The following CIBAR1 variants were observed in gnomAD, a reference collection of about 807,000 sequenced individuals.
CIBAR1 encodes the protein CBY1 interacting BAR domain containing 1.
CIBAR1 carries 25 observed loss-of-function variants against 44.0 expected under a neutral mutation model. The ratio of observed to expected loss-of-function variants is 0.57; its 90% CI spans 0.41 to 0.79. The LOEUF (loss-of-function observed/expected upper bound fraction) is 0.79. Among genes scored for constraint, CIBAR1 ranks in the 30% least tolerant of loss-of-function variants. The pLI, the probability that CIBAR1 is intolerant of heterozygous loss-of-function variation, is 0.00. For synonymous variants in CIBAR1, 115 were observed against 119.0 expected (o/e 0.97, Z 0.22); for missense variants, 278 against 344.8 (o/e 0.81, Z 1.53).
chr8:93,720,030 C>T (rs1307054028), intron 7 of CIBAR1: 1 of 149,018 alleles, frequency 6.7e-6, no homozygotes, highest in Non-Finnish European at 1.5e-5. Context: ...GTCACCCAGT[C>T]TGGAGTGCAG....
intron 4 of CIBAR1, chr8:93,707,306 G>A: frequency 6.0e-6 from 2 of 336,012 alleles, no homozygotes; most frequent in Non-Finnish European, 6.0e-6. Flanking sequence ...TCAAGTAAAG[G>A]GATTTGAGAC....
intron 8 of CIBAR1, among the ~76,000 whole-genome samples, chr8:93,727,876 T>C (rs1811598917): frequency 6.6e-6 from 1 of 152,224 alleles, no homozygotes; most frequent in African/African-American, 2.4e-5. Flanking sequence ...ATCCATTTTA[T>C]GATTCTCAAA....
chr8:93,718,757 T>A lies in CIBAR1; in HGVS notation c.626T>A (p.Ile209Lys). Reference protein sequence around the residue: ...LEVYTAAYQNIQNIDEDEDLE... With the variant: ...LEVYTAAYQNKQNIDEDEDLE... ...GTCTACACTGCTGCCTACCAGAATA[T>A]ACAAAACATTGATGAAGATGAAGAT... The change falls in exon 7 of 9, where the codon ATA becomes AAA. Residue 209 changes from isoleucine (I) to lysine (K), a missense_variant. This residue lies in a region of CIBAR1 where 93 missense variants were observed against 108.9 expected (regional missense o/e 0.85). Transcript: ENST00000518322. 6.4e-7 allele frequency: 1 copy of A among 1,565,006 alleles called. No individual in the cohort carries two copies. Among genetic ancestry groups the A allele is most frequent in the Non-Finnish European group, 8.7e-7 (1 of 1,152,264 alleles).
rs1811676912 is a variant in CIBAR1 at position 93,728,961 on chromosome 8, T to G, written c.*664T>G. The G allele has an allele frequency of 6.6e-6, 1 of 152,116 alleles. No homozygotes were observed. Among genetic ancestry groups the G allele is most frequent in the Non-Finnish European group, 1.5e-5 (1 of 67,962 alleles). 9.4% of individuals were successfully genotyped at this position (152,116 alleles called of 1,614,324 possible). On this transcript the variant is annotated 3_prime_UTR_variant, in exon 9 of 9. Transcript: ENST00000518322. ...GATACTGCAACTTTTGGAAGGCTAATTTGGTGGAATGTTGCCTCATCATAG... is the reference window on the plus strand; with the variant it reads ...GATACTGCAACTTTTGGAAGGCTAAGTTGGTGGAATGTTGCCTCATCATAG...
At chr8:93,704,113 T>C (rs1187343869) in intron 3 of CIBAR1, among the ~76,000 whole-genome samples, 1 of 152,036 alleles carries the variant, frequency 6.6e-6, no homozygotes, top group Non-Finnish European at 1.5e-5. Flanking sequence ...TCATTCTTTT[T>C]ACTCTGAAAG....
chr8:93,700,620 C>G lies in CIBAR1; in HGVS notation c.-28C>G. 6.7e-7 allele frequency: 1 copy of G among 1,483,338 alleles called. No homozygotes were observed. Among genetic ancestry groups the G allele is most frequent in the South Asian group, 1.3e-5 (1 of 77,442 alleles). 91.9% of individuals were successfully genotyped at this position (1,483,338 alleles called of 1,614,324 possible). ...TGGAATCCCCGTCCTTGGGCCCCCG[C>G]AAGGTCCCCGGCCGTGCGCGAGGCA... On this transcript the variant is annotated 5_prime_UTR_variant, in exon 1 of 9. Transcript: ENST00000518322.
At chr8:93,702,540 A>C (rs1054313369) in intron 2 of CIBAR1, 1 of 455,998 alleles carries the variant, frequency 2.2e-6, no homozygotes, top group Admixed American at 2.4e-5. Context: ...ACAATGACAA[A>C]AAGGTAGGCA....
chr8:93,710,836 C>A (rs77878887), intron 6 of CIBAR1, among the ~76,000 whole-genome samples: 950 of 120,136 alleles, frequency 7.9e-3, no homozygotes, highest in Middle Eastern at 0.026. Context: ...GACTCTGACT[C>A]AAAAAAAAAA....
chr8:93,701,813 G>C (rs1810369945), intron 2 of CIBAR1: 2 of 230,690 alleles, frequency 8.7e-6, no homozygotes, highest in South Asian at 1.5e-4. Context: ...TTTAAAGAAT[G>C]ACTGGAGATG....
In CIBAR1 at chr8:93,703,702, TTTTCTCACTTAACTGTG is replaced by T; in HGVS notation, c.330+15_330+31del. On this transcript the variant is annotated intron_variant, in intron 3 of 8. Coordinates refer to ENST00000518322, the MANE Select transcript of CIBAR1 (RefSeq NM_145269.5). ...AAAATGAAACGGGTAAGTAAATCCA[TTTTCTCACTTAACTGTG>T]AGTTACTCTGGCAAAGACTATGAGG... is the stretch of plus-strand genomic sequence containing the variant. The T allele has an allele frequency of 3.9e-6, 6 of 1,540,246 alleles. No homozygotes were observed. Among genetic ancestry groups the T allele is most frequent in the Non-Finnish European group, 5.3e-6 (6 of 1,141,632 alleles).
rs759587094 is a variant in CIBAR1 at position 93,701,313 on chromosome 8, G to A, written c.116G>A (p.Arg39Gln). ...ELCQIFAAYV[R>Q]KTARLRDKAD... ...TGCCAAATCTTCGCTGCCTATGTGC[G>A]GAAAACTGCCAGGCTGAGAGACAAA... The change falls in exon 2 of 9, where the codon CGG becomes CAG. Residue 39 changes from arginine to glutamine, a missense_variant. Arg to Gln is a conservative substitution (Grantham distance 43, BLOSUM62 1). Around this residue, in one of 3 missense-constraint regions of CIBAR1, gnomAD observed 183 missense variants for 218.6 expected, o/e 0.84. Coordinates refer to ENST00000518322, the MANE Select transcript of CIBAR1 (RefSeq NM_145269.5). The A allele has an allele frequency of 1.2e-6, 2 of 1,613,818 alleles. No homozygotes were observed. Among genetic ancestry groups the A allele is most frequent in the Non-Finnish European group, 8.5e-7 (1 of 1,179,834 alleles).
intron 2 of CIBAR1, chr8:93,702,551 A>G (rs1018722972): frequency 7.5e-5 from 34 of 455,816 alleles, no homozygotes; most frequent in Non-Finnish European, 1.4e-4. Context: ...AAGGTAGGCA[A>G]CAAAAAGGAG....
intron 2 of CIBAR1, chr8:93,701,893 A>C (rs1175615578): frequency 2.4e-5 from 5 of 206,116 alleles, no homozygotes; most frequent in African/African-American, 1.2e-4. Flanking sequence ...TGCTGCATCC[A>C]TGGTTTGGAA....
chr8:93,717,877 AC>A (rs1159218158), intron 6 of CIBAR1, among the ~76,000 whole-genome samples: 3 of 151,746 alleles, frequency 2.0e-5, no homozygotes, highest in East Asian at 1.9e-4. Flanking sequence ...TGATTACCTC[AC>A]CCCCTGCTTA....
chr8:93,709,733 AT>A (rs777888229), intron 5 of CIBAR1, 37 bp from the exon 6 acceptor site: 6 of 1,561,442 alleles, frequency 3.8e-6, no homozygotes, highest in Non-Finnish European at 5.3e-6. Context: ...TTCTCATTTG[AT>A]TTTTTTTATA....
At chr8:93,719,045 G>C (rs541932704) in intron 7 of CIBAR1, among the ~76,000 whole-genome samples, 1 of 152,060 alleles carries the variant, frequency 6.6e-6, no homozygotes, top group Admixed American at 6.5e-5. Context: ...TGTATTTTTA[G>C]TAGAGATGCA....
At chr8:93,724,534 A>G in intron 7 of CIBAR1, 1 of 1,046,030 alleles carries the variant, frequency 9.6e-7, no homozygotes. Flanking sequence ...CATGTTGCCC[A>G]GGCTGGTCTT....
chr8:93,717,486 CTT>C (rs1303970893), intron 6 of CIBAR1, among the ~76,000 whole-genome samples: 2 of 152,134 alleles, frequency 1.3e-5, no homozygotes, highest in East Asian at 3.8e-4. Context: ...CGTTACAAGT[CTT>C]TTTTACCTAG....
intron 6 of CIBAR1, among the ~76,000 whole-genome samples, chr8:93,714,425 TC>T (rs992482562): frequency 1.3e-5 from 2 of 152,170 alleles, no homozygotes; most frequent in Admixed American, 1.3e-4. Context: ...AAATGCAAAC[TC>T]CCATAACCCT....
Sources: allele counts gnomAD v4.1 joint callset (sites outside exome capture counted in the v4.1 genomes callset), GRCh38; gene constraint gnomAD v4.1.1; regional missense constraint gnomAD v4.1.1; transcripts MANE v1.5; gene names NCBI Gene and HGNC (gene_info 2026-07-23, HGNC 2026-07-21).